Variants in CACNA1E observed in about 807,000 individuals in gnomAD.
CACNA1E encodes the protein calcium voltage-gated channel subunit alpha1 E, also known as voltage-dependent R-type calcium channel subunit alpha-1E.
In CACNA1E, 40 loss-of-function variants were observed where a neutral mutation model predicts 259.2. That is an observed-to-expected ratio of 0.15 (90% confidence interval 0.12 to 0.20). CACNA1E has a LOEUF of 0.20. CACNA1E is among the 10% of genes least tolerant of loss of function. CACNA1E has a pLI of 1.00. For missense variants in CACNA1E, 1,874 were observed against 3,040.1 expected, an observed-to-expected ratio of 0.62 and a Z score of 9.02; for synonymous variants, 1,104 against 1,138.5, an observed-to-expected ratio of 0.97 and a Z score of 0.61.
At chr1:181,694,257 A>T (rs1428959950) in intron 7 of CACNA1E, among the ~76,000 whole-genome samples, 3 of 152,234 alleles carry the variant, frequency 2.0e-5, no homozygotes, top group African/African-American at 7.2e-5. Context: ...GGGAGAAAGC[A>T]TACAGCACCT....
intron 6 of CACNA1E, among the ~76,000 whole-genome samples, chr1:181,630,308 G>A (rs1035516341): frequency 1.3e-5 from 2 of 151,954 alleles, no homozygotes; most frequent in Non-Finnish European, 2.9e-5. Context: ...ATTCTGTGGT[G>A]CCAGGTGAGA....
At chr1:181,640,738 C>G (rs1657672746) in intron 6 of CACNA1E, among the ~76,000 whole-genome samples, 1 of 152,170 alleles carries the variant, frequency 6.6e-6, no homozygotes, top group Non-Finnish European at 1.5e-5. Context: ...TGACATTTTA[C>G]AGGTGATATA....
At chr1:181,514,449 A>T (rs1428991070) in intron 3 of CACNA1E, among the ~76,000 whole-genome samples, 1 of 152,182 alleles carries the variant, frequency 6.6e-6, no homozygotes, top group Non-Finnish European at 1.5e-5. Context: ...TGGCAGATGC[A>T]GGAGTCAGAA....
chr1:181,572,074 C>A (rs1277996512), intron 3 of CACNA1E, among the ~76,000 whole-genome samples: 2 of 152,204 alleles, frequency 1.3e-5, no homozygotes, highest in Non-Finnish European at 2.9e-5. Context: ...GGGTGTCCTG[C>A]ATTTTGGCTG....
chr1:181,667,351 TC>T (rs1648336708), intron 7 of CACNA1E, among the ~76,000 whole-genome samples: 2 of 152,138 alleles, frequency 1.3e-5, no homozygotes, highest in Admixed American at 1.3e-4. Context: ...TAGTATATGA[TC>T]CCAAGATTCA....
intron 1 of CACNA1E, among the ~76,000 whole-genome samples, chr1:181,390,137 CTA>C (rs1656150639): frequency 6.6e-6 from 1 of 152,136 alleles, no homozygotes; most frequent in African/African-American, 2.4e-5. Context: ...CTAGGCAGGG[CTA>C]TGTGTCCACT....
chr1:181,778,952 G>A (rs1035799976), intron 38 of CACNA1E, among the ~76,000 whole-genome samples: 2 of 152,210 alleles, frequency 1.3e-5, no homozygotes, highest in African/African-American at 4.8e-5. Flanking sequence ...GTCTCTTCCA[G>A]ACTGCAGAAA....
intron 14 of CACNA1E, 141 bp from the exon 15 acceptor site, chr1:181,720,642 A>T (rs1654334354): frequency 1.5e-6 from 1 of 672,322 alleles, no homozygotes; most frequent in Admixed American, 2.2e-5. Flanking sequence ...TTTGTAAGTT[A>T]TGTGGAATGG....
intron 6 of CACNA1E, among the ~76,000 whole-genome samples, chr1:181,643,828 A>G (rs1658018222): frequency 6.6e-6 from 1 of 152,198 alleles, no homozygotes. Context: ...CATCAAGTCC[A>G]GAGGATTCTG....
chr1:181,590,485 A>G (rs1431644266), intron 6 of CACNA1E, among the ~76,000 whole-genome samples: 2 of 151,570 alleles, frequency 1.3e-5, no homozygotes, highest in Non-Finnish European at 2.9e-5. Flanking sequence ...GCACTGGAAT[A>G]TCTTTGATGT....
Position 181,793,651 on chromosome 1 carries a change from G to A in CACNA1E, c.5899-14G>A. 6.2e-7 allele frequency: 1 copy of A among 1,607,456 alleles called. No homozygotes were observed. Among genetic ancestry groups the A allele is most frequent in the Non-Finnish European group, 8.5e-7 (1 of 1,177,596 alleles). ...AACCAAGTCCCACAAGCTTGGCTGTGTGTTTATTTCCAGGAGCCAGAGGTT... is the reference window on the plus strand; with the variant it reads ...AACCAAGTCCCACAAGCTTGGCTGTATGTTTATTTCCAGGAGCCAGAGGTT... On this transcript the variant is annotated splice_polypyrimidine_tract_variant and intron_variant, in intron 44 of 47. Transcript: ENST00000367573.
intron 8 of CACNA1E, among the ~76,000 whole-genome samples, chr1:181,715,134 C>A (rs1296303224): frequency 5.3e-5 from 8 of 152,216 alleles, no homozygotes; most frequent in South Asian, 2.1e-4. Context: ...AACACCCCCT[C>A]CCCGAGGCTT....
intron 7 of CACNA1E, among the ~76,000 whole-genome samples, chr1:181,695,746 G>T (rs1050128302): frequency 7.9e-5 from 12 of 152,144 alleles, no homozygotes; most frequent in Non-Finnish European, 1.5e-4. Flanking sequence ...AATCACTTGA[G>T]GTCAGGAGTT....
chr1:181,738,163 G>C (rs934688544), intron 23 of CACNA1E, among the ~76,000 whole-genome samples: 1 of 152,228 alleles, frequency 6.6e-6, no homozygotes, highest in Non-Finnish European at 1.5e-5. Context: ...GGGTCACATG[G>C]CTCCAGCAGG....
intron 7 of CACNA1E, among the ~76,000 whole-genome samples, chr1:181,687,885 T>A (rs1325859499): frequency 6.6e-6 from 1 of 152,202 alleles, no homozygotes; most frequent in African/African-American, 2.4e-5. Flanking sequence ...AGTCAGAACT[T>A]GAAACCACCT....
intron 7 of CACNA1E, among the ~76,000 whole-genome samples, chr1:181,663,633 G>C (rs2102150364): frequency 6.6e-6 from 1 of 152,290 alleles, no homozygotes; most frequent in Non-Finnish European, 1.5e-5. Context: ...TGAGGAAGAG[G>C]CTGGCATCTT....
rs1034087764 is a variant in CACNA1E, at chr1:181,743,793, C to A, written c.3719+4540C>A. 2.0e-5 allele frequency among the ~76,000 whole-genome samples: 3 copies of A among 152,320 alleles called. No individual in the cohort carries two copies. The East Asian group carries it at 5.8e-4, about 29-fold the overall frequency. On this transcript the variant is annotated intron_variant, in intron 25 of 47. Transcript: ENST00000367573. ...AGCTCGATTCACATGAGCAGGTGAG[C>A]GCTCCTGGATTGGATTCTAAGTAGT...
chr1:181,708,039 A>G (rs1414955193), intron 7 of CACNA1E, among the ~76,000 whole-genome samples: 2 of 152,158 alleles, frequency 1.3e-5, no homozygotes, highest in African/African-American at 2.4e-5. Flanking sequence ...CTGGCCTTGA[A>G]GAAGGATTTT....
chr1:181,657,991 G>A (rs1659347291), intron 7 of CACNA1E, among the ~76,000 whole-genome samples: 1 of 152,154 alleles, frequency 6.6e-6, no homozygotes, highest in Non-Finnish European at 1.5e-5. Context: ...CCTGACCACA[G>A]GCTCTCCTCT....
Sources: gnomAD v4.1 joint callset for allele counts (sites outside exome capture counted in the v4.1 genomes callset) on GRCh38, gnomAD v4.1.1 for gene constraint, MANE v1.5 for transcripts, NCBI Gene and HGNC (gene_info 2026-07-23, HGNC 2026-07-21) for gene names.